WNT7B: variants seen among roughly 807,000 people sequenced by gnomAD.
The protein encoded by WNT7B is Wnt family member 7B, also known as protein Wnt-7b.
Under a neutral mutation model 38.2 loss-of-function variants are expected in WNT7B, and 19 were observed. The observed-to-expected ratio is 0.50, with a 90% CI of 0.35 to 0.73. The LOEUF (loss-of-function observed/expected upper bound fraction) is 0.73. WNT7B is among the 30% of genes least tolerant of loss of function. WNT7B has a pLI of 0.01. For missense variants in WNT7B, 423 were observed against 507.9 expected (o/e 0.83, Z 1.61); for synonymous variants, 243 against 209.3 (o/e 1.16, Z -1.39).
At chr22:45,926,284 A>T (rs1931080922) in intron 3 of WNT7B, 11 of 985,184 alleles carry the variant, frequency 1.1e-5, no homozygotes, top group African/African-American at 1.7e-5. Flanking sequence ...CCAAGAGACC[A>T]CCTGGCAGGG....
At position 45,942,863 on chromosome 22, in the gene WNT7B, G is replaced by GTT. The variant is rs575846503; in HGVS notation, c.298+7056_298+7057insAA. Among the ~76,000 whole-genome samples the GTT allele has an allele frequency of 8.3e-3, 1,241 of 150,146 alleles. 14 individuals are homozygous for GTT. Among genetic ancestry groups the GTT allele is most frequent in the Middle Eastern group, 0.034 (10 of 294 alleles). ...TGCAGCCTGAGTGGGTGCTGTGTGT[G>GTT]TGTGTGTGCGTGTGTGCATGTATGT... On this transcript the variant is annotated intron_variant, in intron 2 of 3. Transcript: ENST00000339464.
intron 2 of WNT7B, among the ~76,000 whole-genome samples, chr22:45,932,578 C>G (rs1230527247): frequency 6.6e-6 from 1 of 152,200 alleles, no homozygotes; most frequent in Non-Finnish European, 1.5e-5. Flanking sequence ...CTTTGTTTCC[C>G]CCATCTCCAG....
At chr22:45,930,175 T>G (rs1931291756) in intron 3 of WNT7B, among the ~76,000 whole-genome samples, 1 of 152,200 alleles carries the variant, frequency 6.6e-6, no homozygotes, top group Non-Finnish European at 1.5e-5. Context: ...GCACCCCTCA[T>G]GTGGACCCAG....
chr22:45,958,230 C>A (rs896942384), intron 1 of WNT7B, among the ~76,000 whole-genome samples: 1 of 152,086 alleles, frequency 6.6e-6, no homozygotes, highest in Non-Finnish European at 1.5e-5. Context: ...CTCACCTGGG[C>A]GACACCGTCT....
chr22:45,974,993 TGGGA>T (rs919467116), intron 1 of WNT7B, among the ~76,000 whole-genome samples: 40 of 152,114 alleles, frequency 2.6e-4, no homozygotes, highest in African/African-American at 9.4e-4. Context: ...CACTCACTCG[TGGGA>T]GGAAGGGCTG....
intron 2 of WNT7B, among the ~76,000 whole-genome samples, chr22:45,946,817 G>A (rs1931808255): frequency 6.6e-6 from 1 of 152,386 alleles, no homozygotes; most frequent in Non-Finnish European, 1.5e-5. Flanking sequence ...ATGGAAAAGG[G>A]ATTGGAACTT....
At chr22:45,925,816 CCCT>C in intron 3 of WNT7B, 1 of 985,444 alleles carries the variant, frequency 1.0e-6, no homozygotes, top group Non-Finnish European at 1.2e-6. Flanking sequence ...GGGCTGCTCA[CCCT>C]CCTCAGATGG....
intron 2 of WNT7B, among the ~76,000 whole-genome samples, chr22:45,943,823 A>C (rs987150071): frequency 6.6e-6 from 1 of 152,168 alleles, no homozygotes; most frequent in African/African-American, 2.4e-5. Flanking sequence ...ACCCTCCTGA[A>C]AAGGCGGCAG....
chr22:45,931,428 G>T, intron 2 of WNT7B, 59 bp from the exon 3 acceptor site: 1 of 1,505,102 alleles, frequency 6.6e-7, no homozygotes, highest in South Asian at 1.3e-5. Flanking sequence ...GGTGGGCTCA[G>T]GGGACAGGGT....
chr22:45,922,970 G>C lies in WNT7B; in HGVS notation c.936C>G (p.Gly312=), dbSNP rs752158306. 6.2e-7 allele frequency: 1 copy of C among 1,613,350 alleles called. No homozygotes were observed. Among genetic ancestry groups the C allele is most frequent in the East Asian group, 2.2e-5 (1 of 44,880 alleles). Residue 312 remains glycine, a synonymous_variant, in exon 4 of 4, where the codon GGC becomes GGG. Coordinates refer to ENST00000339464, the MANE Select transcript of WNT7B (RefSeq NM_058238.3). ...DGCDTMCCGR[G]YNTHQYTKVW... is the part of the protein sequence containing the mutation. ...CCTTGGTGTACTGGTGGGTGTTGTAGCCTCGGCCGCAGCACATGGTGTCAC... is the reference window on the plus strand; with the variant it reads ...CCTTGGTGTACTGGTGGGTGTTGTACCCTCGGCCGCAGCACATGGTGTCAC...
chr22:45,945,606 A>C (rs10283953), intron 2 of WNT7B, among the ~76,000 whole-genome samples: 2,175 of 152,330 alleles, frequency 0.014, 54 homozygotes, highest in African/African-American at 0.05. Context: ...AGAGTGAACA[A>C]GTGAAGAATC....
intron 3 of WNT7B, among the ~76,000 whole-genome samples, chr22:45,929,641 CACT>C (rs1931239141): frequency 6.5e-5 from 6 of 91,944 alleles, no homozygotes; most frequent in African/African-American, 3.0e-4. Flanking sequence ...TCCATGCATC[CACT>C]CATCCATCCT....
At chr22:45,925,807 G>A in intron 3 of WNT7B, 1 of 985,414 alleles carries the variant, frequency 1.0e-6, no homozygotes, top group Non-Finnish European at 1.2e-6. Context: ...CCCCACCCCG[G>A]GCTGCTCACC....
intron 2 of WNT7B, among the ~76,000 whole-genome samples, chr22:45,948,532 A>G (rs1931850445): frequency 6.6e-6 from 1 of 152,188 alleles, no homozygotes; most frequent in African/African-American, 2.4e-5. Flanking sequence ...CCAGGATCAG[A>G]AGGACATGTT....
chr22:45,935,876 G>A (rs1931502629), intron 2 of WNT7B: 4 of 985,244 alleles, frequency 4.1e-6, no homozygotes, highest in African/African-American at 1.7e-5. Flanking sequence ...TGGTGATGGG[G>A]AAGCTGGATG....
At chr22:45,926,161 G>A in intron 3 of WNT7B, 3 of 985,430 alleles carry the variant, frequency 3.0e-6, no homozygotes, top group Non-Finnish European at 3.6e-6. Flanking sequence ...TTGGGTCAGA[G>A]CCTCTCCCAG....
intron 2 of WNT7B, among the ~76,000 whole-genome samples, chr22:45,940,055 A>C (rs973648845): frequency 6.6e-6 from 1 of 152,170 alleles, no homozygotes; most frequent in Non-Finnish European, 1.5e-5. Flanking sequence ...TGACAGCTAC[A>C]CAACTCTGGA....
At chr22:45,942,313 A>G (rs993000904) in intron 2 of WNT7B, among the ~76,000 whole-genome samples, 2 of 152,168 alleles carry the variant, frequency 1.3e-5, no homozygotes, top group African/African-American at 2.4e-5. Context: ...GGGCCCCACA[A>G]TGGCCCCCTG....
At chr22:45,957,526 A>G (rs1932094515) in intron 1 of WNT7B, among the ~76,000 whole-genome samples, 1 of 151,436 alleles carries the variant, frequency 6.6e-6, no homozygotes, top group African/African-American at 2.4e-5. Flanking sequence ...TCTACTAAAT[A>G]TACAAGAATA....
Sources: allele counts gnomAD v4.1 joint callset (sites outside exome capture counted in the v4.1 genomes callset), GRCh38; gene constraint gnomAD v4.1.1; transcripts MANE v1.5; gene names NCBI Gene and HGNC (gene_info 2026-07-23, HGNC 2026-07-21).